HHIPL1: variants seen among roughly 807,000 people sequenced by gnomAD.
HHIPL1 encodes the protein HHIP like 1.
HHIPL1 carries 43 observed loss-of-function variants against 61.8 expected under a neutral mutation model. The observed-to-expected ratio is 0.70, with a 90% confidence interval of 0.55 to 0.90. HHIPL1 has a LOEUF of 0.90. Ranked by LOEUF, HHIPL1 falls within the 40% of genes least tolerant of loss-of-function variation. The pLI is 0.00. For synonymous variants in HHIPL1, 482 were observed against 515.8 expected (o/e 0.93, Z 0.89); for missense variants, 1,056 against 1,157.7 (o/e 0.91, Z 1.28).
intron 2 of HHIPL1, among the ~76,000 whole-genome samples, chr14:99,656,528 C>A (rs2056030138): frequency 6.6e-6 from 1 of 152,054 alleles, no homozygotes; most frequent in Non-Finnish European, 1.5e-5. Context: ...GTAATCACAG[C>A]ACTTTGGGAA....
rs1264801609 is a variant in HHIPL1 at position 99,678,793 on chromosome 14, A to G, written c.*3167A>G. On this transcript the variant is annotated 3_prime_UTR_variant, in exon 9 of 9. Transcript: ENST00000330710. ...GTGCCTGTGAGCACGTCTAACAGTT[A>G]CATAGAATAGGGCTTGACAAAGAGT... is the stretch of plus-strand genomic sequence containing the variant. 6.6e-6 allele frequency: 1 copy of G among 152,270 alleles called. No homozygotes were observed. The highest frequency in any genetic ancestry group is 1.5e-5 in the Non-Finnish European group (1 of 68,050). The allele number at this position is 152,270 out of a possible 1,614,324, so 9.4% of individuals were successfully genotyped here.
intron 4 of HHIPL1, among the ~76,000 whole-genome samples, chr14:99,659,991 T>G (rs11627489): frequency 0.54 from 80,924 of 150,048 alleles, 22,510 homozygotes; most frequent in Admixed American, 0.62. Flanking sequence ...CCACGGGCTG[T>G]GAGCCAAAGC....
chr14:99,663,194 G>T (rs1286877742), intron 6 of HHIPL1, among the ~76,000 whole-genome samples, 173 bp downstream of exon 6: 2 of 152,148 alleles, frequency 1.3e-5, no homozygotes, highest in Non-Finnish European at 2.9e-5. Context: ...ACGGAAAGGG[G>T]TCCCAATCCA....
At chr14:99,657,636 C>T (rs2056070248) in intron 3 of HHIPL1, among the ~76,000 whole-genome samples, 1 of 152,148 alleles carries the variant, frequency 6.6e-6, no homozygotes, top group South Asian at 2.1e-4. Flanking sequence ...TGCTCTTTTA[C>T]CCACTTCCTG....
At chr14:99,626,544 G>T in the HHIPL1 span, among the ~76,000 whole-genome samples, 2 of 152,224 alleles carry the variant, frequency 1.3e-5, no homozygotes, top group Non-Finnish European at 2.9e-5. Context: ...GCCTCTGTCA[G>T]CCCCAAGCTG....
At chr14:99,618,631 C>T in the HHIPL1 span, among the ~76,000 whole-genome samples, 2 of 152,258 alleles carry the variant, frequency 1.3e-5, no homozygotes, top group Non-Finnish European at 2.9e-5. Context: ...GAAAACCTAG[C>T]GGCATTGGCA....
intron 3 of HHIPL1, among the ~76,000 whole-genome samples, chr14:99,659,148 G>A (rs952749475): frequency 1.3e-5 from 2 of 152,336 alleles, no homozygotes; most frequent in East Asian, 1.9e-4. Flanking sequence ...CTACCTAAAC[G>A]ACTGTTGTGA....
chr14:99,663,957 C>T (rs2056198176), intron 6 of HHIPL1, among the ~76,000 whole-genome samples: 1 of 152,186 alleles, frequency 6.6e-6, no homozygotes, highest in Non-Finnish European at 1.5e-5. Flanking sequence ...TGGATTTGGG[C>T]CATTCAATGA....
chr14:99,653,998 G>A (rs1454063382), intron 2 of HHIPL1, among the ~76,000 whole-genome samples: 2 of 152,234 alleles, frequency 1.3e-5, no homozygotes, highest in African/African-American at 4.8e-5. Context: ...AGACCAGCCT[G>A]GCCAACATGG....
chr14:99,675,023 C>G lies in HHIPL1; in HGVS notation c.1814-68C>G, dbSNP rs974037840. 2.3e-6 allele frequency: 2 copies of G among 886,926 alleles called. No homozygotes were observed. The highest frequency in any genetic ancestry group is 3.7e-5 in the African/African-American group (2 of 54,772). The allele number at this position is 886,926 out of a possible 1,614,324, so 54.9% of individuals were successfully genotyped here. ...TCTCCGCACAGGTTGCAGGGCAGCACAGGGTGGGCAGCAGGGCTGGACAGG... is the reference window on the plus strand; with the variant it reads ...TCTCCGCACAGGTTGCAGGGCAGCAGAGGGTGGGCAGCAGGGCTGGACAGG... On this transcript the variant is annotated intron_variant, in intron 8 of 8. Transcript: ENST00000330710. The surrounding 1 kb of genome is among the most constrained non-coding windows in gnomAD (Gnocchi z 5.4).
At position 99,652,507 on chromosome 14, in the gene HHIPL1, G is replaced by GCC; in HGVS notation, c.540_541insCC (p.Cys181ProfsTer54). ...GGCCACGTGGTAGCCGATGCCAAGG[G>GCC]CTGCCTGCAGCTGTGCCTGGAGGAG... On this transcript the variant is annotated frameshift_variant, in exon 2 of 9. Coordinates refer to ENST00000330710, the MANE Select transcript of HHIPL1 (RefSeq NM_001127258.3). LOFTEE classifies it high-confidence loss of function. The GCC allele has an allele frequency of 6.2e-7, 1 of 1,613,638 alleles. No homozygotes were observed. The highest frequency in any genetic ancestry group is 8.5e-7 in the Non-Finnish European group (1 of 1,180,038).
At chr14:99,657,739 A>G (rs1054584751) in intron 3 of HHIPL1, among the ~76,000 whole-genome samples, 2 of 151,034 alleles carry the variant, frequency 1.3e-5, no homozygotes, top group Non-Finnish European at 2.9e-5. Flanking sequence ...ATATACACAC[A>G]TACACACACA....
chr14:99,637,058 G>T, the HHIPL1 span, among the ~76,000 whole-genome samples: 1 of 73,630 alleles, frequency 1.4e-5, no homozygotes, highest in Non-Finnish European at 2.7e-5. Context: ...AAGGAAGGAA[G>T]GAAAAAAGAA....
At chr14:99,656,013 C>T (rs1384143238) in intron 2 of HHIPL1, among the ~76,000 whole-genome samples, 1 of 152,176 alleles carries the variant, frequency 6.6e-6, no homozygotes, top group Non-Finnish European at 1.5e-5. Flanking sequence ...AACTGGAAGC[C>T]AGCTGGCTGG....
chr14:99,672,142 T>G (rs1437257939), intron 7 of HHIPL1, among the ~76,000 whole-genome samples, 175 bp from the exon 8 acceptor site: 4 of 152,214 alleles, frequency 2.6e-5, no homozygotes. Flanking sequence ...CCTGGAGCTC[T>G]TAGAATCCTG....
In HHIPL1 at chr14:99,679,667, C is replaced by T. The variant is rs917881796; in HGVS notation, c.*4041C>T. 2 of 152,194 alleles carry T rather than the reference C, an allele frequency of 1.3e-5. No individual in the cohort carries two copies. The highest frequency in any genetic ancestry group is 4.8e-5 in the African/African-American group (2 of 41,446). 9.4% of individuals were successfully genotyped at this position (152,194 alleles called of 1,614,324 possible). ...GAGTCTCATTGCAAAATAGAGGTCACCAGAAGGATTACTGGATGAAAAATG... is the reference window on the plus strand; with the variant it reads ...GAGTCTCATTGCAAAATAGAGGTCATCAGAAGGATTACTGGATGAAAAATG... On this transcript the variant is annotated 3_prime_UTR_variant, in exon 9 of 9. Coordinates refer to ENST00000330710, the MANE Select transcript of HHIPL1 (RefSeq NM_001127258.3).
chr14:99,645,467 G>A lies in HHIPL1; in HGVS notation c.255+5G>A. 2 of 1,279,234 alleles carry A rather than the reference G, an allele frequency of 1.6e-6. No individual in the cohort carries two copies. The highest frequency in any genetic ancestry group is 5.4e-5 in the South Asian group (2 of 36,894). The allele number at this position is 1,279,234 out of a possible 1,614,324, so 79.2% of individuals were successfully genotyped here. A position where few individuals can be genotyped will look rare whatever the true frequency, so the allele number is the denominator to read the frequency against. On this transcript the variant is annotated splice_donor_5th_base_variant and intron_variant, in intron 1 of 8. Transcript: ENST00000330710. Reference sequence around the variant, plus strand: ...GCGAGGGACCTGCTGTGCCAGGTGAGCGGGCGCGCGGCCACCGGGCGGGGC... The same window carrying A: ...GCGAGGGACCTGCTGTGCCAGGTGAACGGGCGCGCGGCCACCGGGCGGGGC...
At chr14:99,637,100 G>GAAGGA in the HHIPL1 span, among the ~76,000 whole-genome samples, 1 of 111,120 alleles carries the variant, frequency 9.0e-6, no homozygotes, top group Non-Finnish European at 1.9e-5. Context: ...AAGAAGGAAG[G>GAAGGA]AAAAAAGAAA....
At chr14:99,628,011 G>A in the HHIPL1 span, among the ~76,000 whole-genome samples, 1 of 152,052 alleles carries the variant, frequency 6.6e-6, no homozygotes, top group Non-Finnish European at 1.5e-5. Context: ...TGCATGATCA[G>A]TTTGGCAGTC....
Sources: gnomAD v4.1 joint callset for allele counts (sites outside exome capture counted in the v4.1 genomes callset) on GRCh38, gnomAD v4.1.1 for gene constraint, Gnocchi (gnomAD v3.1) non-coding constraint, MANE v1.5 for transcripts, NCBI Gene and HGNC (gene_info 2026-07-23, HGNC 2026-07-21) for gene names.